The following DENND5B variants were observed in gnomAD, a reference collection of about 807,000 sequenced individuals.
The protein encoded by DENND5B is DENN domain containing 5B.
Under a neutral mutation model 140.6 loss-of-function variants are expected in DENND5B, and 34 were observed. The observed-to-expected ratio is 0.24, with a 90% CI of 0.18 to 0.32. The LOEUF is 0.32. DENND5B is among the 10% of genes least tolerant of loss of function. The pLI is 1.00. For synonymous variants in DENND5B, 551 were observed against 562.1 expected (o/e 0.98, Z 0.28); for missense variants, 1,142 against 1,560.2 (o/e 0.73, Z 4.52).
rs767608413 is a variant in DENND5B, at chr12:31,479,997, C to T, written c.496G>A (p.Asp166Asn). Residue 166 changes from aspartate (D) to asparagine (N), a missense_variant, in exon 3 of 21, where the codon GAT becomes AAT. Asp to Asn is a conservative substitution (Grantham distance 23). Around this residue, in one of 5 missense-constraint regions of DENND5B, gnomAD observed 708 missense variants for 905.5 expected, o/e 0.78. Coordinates refer to ENST00000389082, the MANE Select transcript of DENND5B (RefSeq NM_144973.4). ...DSLASSLDEGDTTSLLKLQRY... is the reference protein window; with the variant it reads ...DSLASSLDEGNTTSLLKLQRY... ...TGGAGTTTCAAAAGGGAAGTTGTAT[C>T]TCCTTCATCAAGACTACTTGCCAAT... The T allele has an allele frequency of 1.9e-6, 3 of 1,613,988 alleles. No homozygotes were observed. Among genetic ancestry groups the T allele is most frequent in the Non-Finnish European group, 2.5e-6 (3 of 1,179,870 alleles).
chr12:31,467,712 G>T (rs1169597056), intron 3 of DENND5B, among the ~76,000 whole-genome samples: 1 of 152,162 alleles, frequency 6.6e-6, no homozygotes, highest in Non-Finnish European at 1.5e-5. Context: ...TATTAAAACT[G>T]AACAATCATA....
Position 31,447,609 on chromosome 12 carries a change from C to T in DENND5B, c.1790G>A (p.Arg597Lys), listed in dbSNP as rs757740273. 1.9e-6 allele frequency: 3 copies of T among 1,613,842 alleles called. No individual in the cohort carries two copies. The South Asian group carries it at 3.3e-5, about 18-fold the overall frequency. The change falls in exon 6 of 21, where the codon AGG becomes AAG. Residue 597 changes from arginine (R) to lysine (K), a missense_variant. Physicochemically the swap from Arg to Lys is conservative, Grantham distance 26. Around this residue, in one of 5 missense-constraint regions of DENND5B, gnomAD observed 708 missense variants for 905.5 expected, o/e 0.78. Coordinates refer to ENST00000389082, the MANE Select transcript of DENND5B (RefSeq NM_144973.4). ...RVFDTRIDKI[R>K]LYNVRAPTLR... ...GGTGGGTGCCCTTACATTATACAGC[C>T]TTATCTTATCAATCCGAGTGTCAAA...
At chr12:31,554,801 A>T (rs1287841801) in intron 1 of DENND5B, among the ~76,000 whole-genome samples, 2 of 152,072 alleles carry the variant, frequency 1.3e-5, no homozygotes, top group African/African-American at 2.4e-5. Flanking sequence ...GCTTCACTTC[A>T]TTCATTTCGT....
chr12:31,559,147 AG>A (rs1446793101), intron 1 of DENND5B, among the ~76,000 whole-genome samples: 2 of 152,114 alleles, frequency 1.3e-5, no homozygotes, highest in Non-Finnish European at 2.9e-5. Flanking sequence ...ATGGGAGAGT[AG>A]GGAAAAACAG....
intron 4 of DENND5B, among the ~76,000 whole-genome samples, chr12:31,459,433 G>A (rs1007189786): frequency 1.3e-5 from 2 of 152,072 alleles, no homozygotes; most frequent in African/African-American, 4.8e-5. Context: ...GGGACTACAG[G>A]TGTGTGCCAC....
chr12:31,383,848 T>A lies in DENND5B; in HGVS notation c.*3755A>T, dbSNP rs1940737232. The A allele has an allele frequency of 6.6e-6, 1 of 152,128 alleles. No individual in the cohort carries two copies. The highest frequency in any genetic ancestry group is 2.4e-5 in the African/African-American group (1 of 41,412). 9.4% of individuals were successfully genotyped at this position (152,128 alleles called of 1,614,324 possible). A position where few individuals can be genotyped will look rare whatever the true frequency, so the allele number is the denominator to read the frequency against. On this transcript the variant is annotated 3_prime_UTR_variant, in exon 21 of 21. Transcript: ENST00000389082. ...TGACATATGAAAAACTTTGGGAAAATAAATTTTTCAAGAGGTAATACTTTT... is the reference window on the plus strand; with the variant it reads ...TGACATATGAAAAACTTTGGGAAAAAAAATTTTTCAAGAGGTAATACTTTT...
intron 1 of DENND5B, among the ~76,000 whole-genome samples, chr12:31,523,484 G>A (rs553260804): frequency 6.6e-6 from 1 of 152,134 alleles, no homozygotes; most frequent in East Asian, 1.9e-4. Context: ...TAAGTGTAAG[G>A]CAACATATCT....
At chr12:31,526,499 T>C (rs913218496) in intron 1 of DENND5B, among the ~76,000 whole-genome samples, 7 of 152,180 alleles carry the variant, frequency 4.6e-5, no homozygotes, top group African/African-American at 1.7e-4. Flanking sequence ...TTCCTTCCTT[T>C]AGAAATATTC....
At chr12:31,477,960 T>G in intron 3 of DENND5B, 1 of 223,322 alleles carries the variant, frequency 4.5e-6, no homozygotes, top group South Asian at 8.5e-5. Flanking sequence ...ATCTGAAATC[T>G]GTGGAGCAGA....
chr12:31,423,231 G>T (rs554750918), intron 11 of DENND5B, among the ~76,000 whole-genome samples: 1 of 151,858 alleles, frequency 6.6e-6, no homozygotes, highest in African/African-American at 2.4e-5. Flanking sequence ...GTGAGCCACC[G>T]TGCCTAGCAT....
chr12:31,454,327 G>T (rs2138158158), intron 4 of DENND5B, among the ~76,000 whole-genome samples: 1 of 152,284 alleles, frequency 6.6e-6, no homozygotes, highest in South Asian at 2.1e-4. Flanking sequence ...ACAGCCTGGT[G>T]GCTTATGGCC....
At position 31,385,779 on chromosome 12, in the gene DENND5B, C is replaced by T. The variant is rs1476462573; in HGVS notation, c.*1824G>A. 3 of 152,490 alleles carry T rather than the reference C, an allele frequency of 2.0e-5. No homozygotes were observed. Among genetic ancestry groups the T allele is most frequent in the Non-Finnish European group, 2.9e-5 (2 of 68,172 alleles). 9.4% of individuals were successfully genotyped at this position (152,490 alleles called of 1,614,324 possible). A position where few individuals can be genotyped will look rare whatever the true frequency, so the allele number is the denominator to read the frequency against. On this transcript the variant is annotated 3_prime_UTR_variant, in exon 21 of 21. Transcript: ENST00000389082. ...TCTCAGCTTACTGCAAGCTCCGCCT[C>T]GCGGGTTCACGCCATTCTCCTGCCT...
At chr12:31,475,331 C>T (rs1005753473) in intron 3 of DENND5B, among the ~76,000 whole-genome samples, 1 of 137,576 alleles carries the variant, frequency 7.3e-6, no homozygotes, top group Non-Finnish European at 1.5e-5. Context: ...CTGTTGTTCT[C>T]GGCATACAGA....
At chr12:31,559,917 G>C (rs1949416289) in intron 1 of DENND5B, among the ~76,000 whole-genome samples, 1 of 152,068 alleles carries the variant, frequency 6.6e-6, no homozygotes, top group Non-Finnish European at 1.5e-5. Context: ...CTTCTTTACT[G>C]TTCTATTCTC....
At chr12:31,502,868 C>G (rs867283123) in intron 1 of DENND5B, among the ~76,000 whole-genome samples, 1 of 152,136 alleles carries the variant, frequency 6.6e-6, no homozygotes, top group Non-Finnish European at 1.5e-5. Context: ...ATAAAGGAAT[C>G]GGTTTATTAC....
chr12:31,518,735 TG>T (rs1169975890), intron 1 of DENND5B, among the ~76,000 whole-genome samples: 2 of 151,644 alleles, frequency 1.3e-5, no homozygotes, highest in African/African-American at 4.9e-5. Flanking sequence ...GCTAATTTTC[TG>T]GGTTTTTTAA....
At chr12:31,527,316 G>A (rs10743759) in intron 1 of DENND5B, among the ~76,000 whole-genome samples, 86,852 of 151,916 alleles carry the variant, frequency 0.57, 25,298 homozygotes, top group East Asian at 0.82. Flanking sequence ...TAAGACAGGA[G>A]CATGCTCAGA....
intron 3 of DENND5B, chr12:31,464,936 A>C (rs1311255459): frequency 2.0e-5 from 3 of 152,232 alleles, no homozygotes; most frequent in Admixed American, 2.0e-4. Flanking sequence ...TAGCCAGTAA[A>C]CGTGCTTTGA....
In DENND5B at chr12:31,404,759, C is replaced by CTTTTTTTTTTTTT. The variant is rs71062425; in HGVS notation, c.2804-2129_2804-2117dup. The stretch of plus-strand genomic sequence containing the variant: ...ATAAGCCACCGCGTCCGACCTCTAG[C>CTTTTTTTTTTTTT]TTTTTTTTTTTTTTTTTGAGACAGA... On this transcript the variant is annotated intron_variant, in intron 14 of 20. Coordinates refer to ENST00000389082, the MANE Select transcript of DENND5B (RefSeq NM_144973.4). Among the ~76,000 whole-genome samples the CTTTTTTTTTTTTT allele has an allele frequency of 2.3e-4, 17 of 74,062 alleles. 5 individuals carry two copies. Among genetic ancestry groups the CTTTTTTTTTTTTT allele is most frequent in the South Asian group, 1.1e-3 (2 of 1,746 alleles). 48.6% of individuals were successfully genotyped at this position (74,062 alleles called of 152,430 possible). A position where few individuals can be genotyped will look rare whatever the true frequency, so the allele number is the denominator to read the frequency against.
Sources: allele counts gnomAD v4.1 joint callset (sites outside exome capture counted in the v4.1 genomes callset), GRCh38; gene constraint gnomAD v4.1.1; regional missense constraint gnomAD v4.1.1; transcripts MANE v1.5; gene names NCBI Gene and HGNC (gene_info 2026-07-23, HGNC 2026-07-21).